DMD: variants seen among roughly 807,000 people sequenced by gnomAD.
The protein encoded by DMD is mutant dystrophin.
In DMD, 63 loss-of-function variants were observed where a neutral mutation model predicts 330.1. The observed-to-expected ratio is 0.19, with a 90% CI of 0.16 to 0.24. DMD has a LOEUF of 0.24. Among genes scored for constraint, DMD ranks in the 10% least tolerant of loss-of-function variants. The pLI is 1.00. For missense variants in DMD, 3,344 were observed against 2,684.1 expected, an observed-to-expected ratio of 1.25 and a Z score of -5.43; for synonymous variants, 1,223 against 959.8, an observed-to-expected ratio of 1.27 and a Z score of -5.07.
intron 7 of DMD, among the ~76,000 whole-genome samples, chrX:32,730,934 C>T (rs759214111): frequency 2.7e-5 from 3 of 111,659 alleles, no homozygotes; most frequent in South Asian, 7.4e-4. Context: ...GGAACAGCTC[C>T]GGTCTACAGC....
chrX:32,086,434 A>G (rs2096439437), intron 44 of DMD, among the ~76,000 whole-genome samples: 1 of 111,817 alleles, frequency 8.9e-6, no homozygotes, highest in Non-Finnish European at 1.9e-5. Context: ...TTCACACAAT[A>G]TGGATTGTAT....
At chrX:32,582,794 C>G (rs770342042) in intron 13 of DMD, among the ~76,000 whole-genome samples, 1 of 111,822 alleles carries the variant, frequency 8.9e-6, no homozygotes, top group African/African-American at 3.3e-5. Context: ...TTTCTTAGAG[C>G]GCTTACTTTA....
chrX:31,269,020 A>T (rs1320433993), intron 62 of DMD, among the ~76,000 whole-genome samples: 1 of 112,271 alleles, frequency 8.9e-6, no homozygotes, highest in African/African-American at 3.2e-5. Flanking sequence ...CAGACTTTTT[A>T]AAAAAATTGA....
intron 60 of DMD, among the ~76,000 whole-genome samples, chrX:31,408,243 G>C (rs765587779): frequency 3.2e-4 from 36 of 111,991 alleles, no homozygotes; most frequent in African/African-American, 9.1e-4. Flanking sequence ...TGGCTCACTA[G>C]AGTACTGAAT....
intron 1 of DMD, 112 bp downstream of exon 1, chrX:33,211,170 C>G (rs757911272): frequency 1.1e-6 from 1 of 923,356 alleles, no homozygotes; most frequent in Non-Finnish European, 1.5e-6. Flanking sequence ...AACATTTATG[C>G]TTCTTTGCAA....
upstream of DMD, among the ~76,000 whole-genome samples, chrX:33,213,928 T>C (rs1384426519): frequency 9.0e-6 from 1 of 111,478 alleles, no homozygotes; most frequent in Non-Finnish European, 1.9e-5. Context: ...GTCACAACAG[T>C]CACCCTCCCT....
chrX:31,913,475 A>G (rs1050438019), intron 47 of DMD, among the ~76,000 whole-genome samples: 3 of 112,093 alleles, frequency 2.7e-5, no homozygotes, highest in Non-Finnish European at 3.8e-5. Context: ...TTATGTGAAT[A>G]TACAGACAAT....
chrX:31,753,590 A>G (rs2088791381), intron 51 of DMD, among the ~76,000 whole-genome samples: 1 of 112,080 alleles, frequency 8.9e-6, no homozygotes, highest in Non-Finnish European at 1.9e-5. Flanking sequence ...AAAATATTTT[A>G]AAAGATCAGA....
chrX:32,461,998 C>T (rs1187335492), intron 25 of DMD, among the ~76,000 whole-genome samples: 2 of 109,969 alleles, frequency 1.8e-5, no homozygotes, highest in African/African-American at 6.6e-5. Context: ...GTAGCTTTTG[C>T]CTTTTGACAT....
intron 26 of DMD, 59 bp downstream of exon 26, chrX:32,454,603 T>G: frequency 3.1e-6 from 3 of 983,522 alleles, no homozygotes; most frequent in African/African-American, 1.9e-5. Context: ...ATTGTTGCAT[T>G]TCTTTCTTTT....
chrX:31,822,653 G>GGGGGTGTGTGTGTGTGT (rs58903799), intron 49 of DMD, among the ~76,000 whole-genome samples: 38 of 65,806 alleles, frequency 5.8e-4, no homozygotes, highest in African/African-American at 2.2e-3. Flanking sequence ...AAGGCAGAGG[G>GGGGGTGTGTGTGTGTGT]GTGTGTGTGT....
At chrX:32,183,575 T>TAA (rs1304244231) in intron 44 of DMD, among the ~76,000 whole-genome samples, 287 of 101,370 alleles carry the variant, frequency 2.8e-3, no homozygotes, top group East Asian at 7.2e-3. Context: ...TATATAAATA[T>TAA]ATATATATAT....
chrX:32,600,682 A>G (rs148761949), intron 12 of DMD, among the ~76,000 whole-genome samples: 3,509 of 109,441 alleles, frequency 0.032, 59 homozygotes, highest in East Asian at 0.056. Flanking sequence ...AAGGCAATCT[A>G]TTGTCTCCAA....
At chrX:32,345,909 C>A in intron 39 of DMD, 34 bp downstream of exon 39, 1 of 1,200,575 alleles carries the variant, frequency 8.3e-7, no homozygotes, top group Non-Finnish European at 1.1e-6. Flanking sequence ...AAAAAAACCA[C>A]AGGCAAGGTA....
intron 29 of DMD, among the ~76,000 whole-genome samples, chrX:32,433,405 C>T (rs778295596): frequency 3.6e-5 from 4 of 111,700 alleles, no homozygotes; most frequent in East Asian, 2.8e-4. Flanking sequence ...CGGCCGGATG[C>T]GGTGGCTCAC....
At chrX:32,071,029 G>A (rs112296567) in intron 44 of DMD, among the ~76,000 whole-genome samples, 1 of 111,382 alleles carries the variant, frequency 9.0e-6, no homozygotes. Flanking sequence ...ATTCCATGGT[G>A]TATATGTGCC....
chrX:33,303,215 A>G (rs59440665), intron 1 of DMD, among the ~76,000 whole-genome samples: 25,886 of 110,971 alleles, frequency 0.23, 4,145 homozygotes, highest in East Asian at 0.64. Flanking sequence ...TAAAGCTGTC[A>G]TAAACATCCA....
At chrX:31,667,790 A>C (rs1247951649) in intron 53 of DMD, among the ~76,000 whole-genome samples, 6 of 111,330 alleles carry the variant, frequency 5.4e-5, no homozygotes, top group Admixed American at 1.9e-4. Context: ...ATAAATATAT[A>C]TACCTACTGT....
At chrX:32,238,058 A>G (rs185060469) in intron 43 of DMD, among the ~76,000 whole-genome samples, 324 of 111,919 alleles carry the variant, frequency 2.9e-3, no homozygotes, top group Non-Finnish European at 4.7e-3. Flanking sequence ...TGGGGAAAAA[A>G]GGTTTAGGGG....
Sources: allele counts gnomAD v4.1 joint callset (sites outside exome capture counted in the v4.1 genomes callset), GRCh38; gene constraint gnomAD v4.1.1; transcripts MANE v1.5; gene names NCBI Gene and HGNC (gene_info 2026-07-23, HGNC 2026-07-21).